The following RFX2 variants were observed in gnomAD, a reference collection of about 807,000 sequenced individuals.
The protein encoded by RFX2 is regulatory factor X2, also known as DNA-binding protein RFX2.
RFX2 carries 20 observed loss-of-function variants against 87.8 expected under a neutral mutation model. That is an observed-to-expected ratio of 0.23 (90% CI 0.16 to 0.33). The LOEUF (loss-of-function observed/expected upper bound fraction) is 0.33. Among genes scored for constraint, RFX2 ranks in the 10% least tolerant of loss-of-function variants. The probability of loss-of-function intolerance (pLI) is 1.00; values close to 1 mark genes in which losing one functional copy is unlikely to be tolerated. For synonymous variants in RFX2, 397 were observed against 431.3 expected, an observed-to-expected ratio of 0.92 and a Z score of 0.98; for missense variants, 767 against 1,012.3, an observed-to-expected ratio of 0.76 and a Z score of 3.29.
intron 1 of RFX2, among the ~76,000 whole-genome samples, chr19:6,088,559 A>C (rs1204625760): frequency 6.6e-6 from 1 of 152,146 alleles, no homozygotes; most frequent in Non-Finnish European, 1.5e-5. Flanking sequence ...GAAGGCAACG[A>C]AATTCATCCT....
rs376079803 is a variant in RFX2, at chr19:6,001,637, C to T, written c.1859+178G>A. 3.3e-5 allele frequency among the ~76,000 whole-genome samples: 5 copies of T among 152,246 alleles called. No individual in the cohort carries two copies. Among genetic ancestry groups the T allele is most frequent in the African/African-American group, 1.2e-4 (5 of 41,562 alleles). On this transcript the variant is annotated intron_variant, in intron 15 of 17. Coordinates refer to ENST00000303657, the MANE Select transcript of RFX2 (RefSeq NM_000635.4). The surrounding 1 kb of genome is among the most constrained non-coding windows in gnomAD (Gnocchi z 5.6). ...GCCTTCTGGGCCTGCCCCTGGGAGC[C>T]GCTGGTCATGAGTGAGGCCCCCAGC...
chr19:6,001,977 C>A lies in RFX2; in HGVS notation c.1697G>T (p.Arg566Leu). The A allele has an allele frequency of 1.2e-6, 2 of 1,611,968 alleles. No individual in the cohort carries two copies. Among genetic ancestry groups the A allele is most frequent in the Non-Finnish European group, 1.7e-6 (2 of 1,179,956 alleles). The change falls in exon 15 of 18, where the codon CGG becomes CTG. Residue 566 changes from arginine (R) to leucine (L), a missense_variant. Around this residue, in one of 2 missense-constraint regions of RFX2, gnomAD observed 621 missense variants for 873.0 expected, o/e 0.71. Coordinates refer to ENST00000303657, the MANE Select transcript of RFX2 (RefSeq NM_000635.4). The surrounding 1 kb of genome is among the most constrained non-coding windows in gnomAD (Gnocchi z 5.6). ...GGTCAGCTTGAAATCCTGCTCCAGCCGCTGCACCACACTCTCCTCGCACTG... is the reference window on the plus strand; with the variant it reads ...GGTCAGCTTGAAATCCTGCTCCAGCAGCTGCACCACACTCTCCTCGCACTG... The part of the protein sequence containing the change: ...VCQCEESVVQ[R>L]LEQDFKLTLQ...
chr19:5,995,594 C>G lies in RFX2; in HGVS notation c.2056+7G>C. 1 of 1,552,030 alleles carries G rather than the reference C, an allele frequency of 6.4e-7. No individual in the cohort carries two copies. Among genetic ancestry groups the G allele is most frequent in the Non-Finnish European group, 8.7e-7 (1 of 1,147,232 alleles). On this transcript the variant is annotated splice_region_variant and intron_variant, in intron 17 of 17. Coordinates refer to ENST00000303657, the MANE Select transcript of RFX2 (RefSeq NM_000635.4). ...GGTCGTGGTGGGAAAGCCGCAGACG[C>G]ACCTACCTTTGTCGAGCAGCGTCAG...
chr19:6,081,434 CA>C (rs1322456862), intron 1 of RFX2, among the ~76,000 whole-genome samples: 1 of 152,204 alleles, frequency 6.6e-6, no homozygotes, highest in East Asian at 1.9e-4. Flanking sequence ...ACACTAAGCC[CA>C]TTGCATGAAG....
chr19:6,034,965 G>A (rs180892877), intron 5 of RFX2, among the ~76,000 whole-genome samples: 3 of 152,286 alleles, frequency 2.0e-5, no homozygotes, highest in African/African-American at 7.2e-5. Flanking sequence ...GCTGTCAAAG[G>A]CAGAATATTT....
intron 1 of RFX2, among the ~76,000 whole-genome samples, chr19:6,072,505 A>G (rs1000797735): frequency 2.0e-5 from 3 of 152,164 alleles, no homozygotes; most frequent in African/African-American, 4.8e-5. Context: ...GAGTTTGAGA[A>G]CAGCCTGGGT....
rs144085025 is a variant in RFX2, at chr19:6,042,115, C to T, written c.189G>A (p.Pro63=). Residue 63 remains proline, a synonymous_variant, in exon 4 of 18, where the codon CCG becomes CCA. Coordinates refer to ENST00000303657, the MANE Select transcript of RFX2 (RefSeq NM_000635.4). ...CCTGGGCAGGATACACGTGCTGCAC[C>T]GGCTGCACCTGAAACATCGGATACG... ...RVQQVPQQVQ[P]VQHVYPAQVQ... 444 of 1,613,582 alleles carry T rather than the reference C, an allele frequency of 2.8e-4. No individual in the cohort carries two copies. The highest frequency in any genetic ancestry group is 3.6e-4 in the Non-Finnish European group (425 of 1,179,860).
intron 1 of RFX2, among the ~76,000 whole-genome samples, chr19:6,062,302 G>T (rs1249763999): frequency 6.6e-6 from 1 of 152,242 alleles, no homozygotes; most frequent in Non-Finnish European, 1.5e-5. Flanking sequence ...TGCGGGCAAA[G>T]CTGGTATACG....
rs1409664339 is a variant in RFX2 at position 6,022,535 on chromosome 19, C to G, written c.597+3628G>C. ...CGGTCGGCTGGTAGCCTGAGGGCAG[C>G]CCGGTGGCCCCCAGGGGCTGAGGCC... On this transcript the variant is annotated intron_variant, in intron 6 of 17. Coordinates refer to ENST00000303657, the MANE Select transcript of RFX2 (RefSeq NM_000635.4). The surrounding 1 kb of genome is among the most constrained non-coding windows in gnomAD (Gnocchi z 6.2). Among the ~76,000 whole-genome samples the G allele has an allele frequency of 6.6e-6, 1 of 152,198 alleles. No individual in the cohort carries two copies. Among genetic ancestry groups the G allele is most frequent in the Non-Finnish European group, 1.5e-5 (1 of 68,026 alleles).
In RFX2 at chr19:6,011,556, C is replaced by T. The variant is rs189627281; in HGVS notation, c.900-1305G>A. 3.7e-4 allele frequency among the ~76,000 whole-genome samples: 56 copies of T among 152,314 alleles called. No homozygotes were observed. Among genetic ancestry groups the T allele is most frequent in the Non-Finnish European group, 5.9e-4 (40 of 68,026 alleles). Reference sequence around the variant, plus strand: ...CAGCCTGTCCCCCTGAAATGTGTGTCGCTGCTCCTAAAATGACACACTGCC... The same window carrying T: ...CAGCCTGTCCCCCTGAAATGTGTGTTGCTGCTCCTAAAATGACACACTGCC... On this transcript the variant is annotated intron_variant, in intron 8 of 17. Coordinates refer to ENST00000303657, the MANE Select transcript of RFX2 (RefSeq NM_000635.4). This position sits in a 1 kb window ranked among gnomAD's most constrained non-coding sequence, Gnocchi z 4.8.
intron 1 of RFX2, among the ~76,000 whole-genome samples, chr19:6,092,529 T>TCGAGTC (rs1344520309): frequency 2.0e-5 from 3 of 152,122 alleles, no homozygotes; most frequent in Non-Finnish European, 4.4e-5. Context: ...GTTGCTAGGC[T>TCGAGTC]CGAGTCCGCG....
Position 5,999,136 on chromosome 19 carries a change from A to C in RFX2, c.1860-1923T>G, listed in dbSNP as rs984425356. Among the ~76,000 whole-genome samples, 15 of 152,140 alleles carry C rather than the reference A, an allele frequency of 9.9e-5. No individual in the cohort carries two copies. The highest frequency in any genetic ancestry group is 3.4e-4 in the African/African-American group (14 of 41,400). On this transcript the variant is annotated intron_variant, in intron 15 of 17. Transcript: ENST00000303657. This position sits in a 1 kb window ranked among gnomAD's most constrained non-coding sequence, Gnocchi z 4.1. ...CCAGGCCTGGTGGTGGGCACCTGTAATCCCAGCTATTCAGGAGGCTGAGGC... is the reference window on the plus strand; with the variant it reads ...CCAGGCCTGGTGGTGGGCACCTGTACTCCCAGCTATTCAGGAGGCTGAGGC...
chr19:6,054,044 T>C (rs1028378857), intron 1 of RFX2, among the ~76,000 whole-genome samples: 3 of 149,206 alleles, frequency 2.0e-5, no homozygotes, highest in Non-Finnish European at 4.5e-5. Flanking sequence ...AAAACCCAAA[T>C]TGCCAATATC....
chr19:6,002,880 A>G lies in RFX2; in HGVS notation c.1501-10T>C, dbSNP rs1178997165. 2 of 1,600,460 alleles carry G rather than the reference A, an allele frequency of 1.2e-6. No homozygotes were observed. Among genetic ancestry groups the G allele is most frequent in the African/African-American group, 1.3e-5 (1 of 74,994 alleles). On this transcript the variant is annotated splice_polypyrimidine_tract_variant and intron_variant, in intron 13 of 17. Coordinates refer to ENST00000303657, the MANE Select transcript of RFX2 (RefSeq NM_000635.4). The surrounding 1 kb of genome is among the most constrained non-coding windows in gnomAD (Gnocchi z 6.7). The stretch of plus-strand genomic sequence containing the variant: ...CACTGACGACGCCCACCTGTAAGCC[A>G]GGGCTCGTGGTGAGCAGGGGTTCGC...
At chr19:6,090,370 C>CAAAA (rs1169384189) in intron 1 of RFX2, among the ~76,000 whole-genome samples, 1 of 56,562 alleles carries the variant, frequency 1.8e-5, no homozygotes, top group African/African-American at 5.0e-5. Context: ...GACTCTGTCT[C>CAAAA]AAAAAAAAAA....
Position 6,002,690 on chromosome 19 carries a change from C to T in RFX2, c.1650+31G>A, listed in dbSNP as rs8103398. On this transcript the variant is annotated intron_variant, in intron 14 of 17. Transcript: ENST00000303657. This position sits in a 1 kb window ranked among gnomAD's most constrained non-coding sequence, Gnocchi z 6.7. ...TGGTTTTGCTGGAGGGCGGGAAGCC[C>T]GGGCCCTGGGGACGGTGTGGAGGAA... is the stretch of plus-strand genomic sequence containing the variant. 2,420 of 1,608,588 alleles carry T rather than the reference C, an allele frequency of 1.5e-3. 45 individuals carry two copies. In the African/African-American group the frequency reaches 0.029, roughly 19 times the overall value.
Position 6,016,374 on chromosome 19 carries a change from A to T in RFX2, c.598-103T>A, listed in dbSNP as rs963630921. On this transcript the variant is annotated intron_variant, in intron 6 of 17. Coordinates refer to ENST00000303657, the MANE Select transcript of RFX2 (RefSeq NM_000635.4). The surrounding 1 kb of genome is among the most constrained non-coding windows in gnomAD (Gnocchi z 5.4). ...ATTACTTGCGTTCCCTGTGTTACCA[A>T]ATGGGATGAGGAAATCCATCTTTTC... 2.8e-6 allele frequency: 2 copies of T among 724,844 alleles called. No individual in the cohort carries two copies. The highest frequency in any genetic ancestry group is 4.3e-6 in the Non-Finnish European group (2 of 465,642). 44.9% of individuals were successfully genotyped at this position (724,844 alleles called of 1,614,324 possible). A position where few individuals can be genotyped will look rare whatever the true frequency, so the allele number is the denominator to read the frequency against.
rs2087086300 is a variant in RFX2 at position 6,040,101 on chromosome 19, C to T, written c.401G>A (p.Gly134Asp). Residue 134 changes from glycine (G) to aspartate (D), a missense_variant, in exon 5 of 18, where the codon GGC becomes GAC. Coordinates refer to ENST00000303657, the MANE Select transcript of RFX2 (RefSeq NM_000635.4). This position sits in a 1 kb window ranked among gnomAD's most constrained non-coding sequence, Gnocchi z 6.1. ...PPAVPSHSMVGITMDVGGSPI... is the reference protein window; with the variant it reads ...PPAVPSHSMVDITMDVGGSPI... ...GCTCCCCCCGACATCCATGGTGATG[C>T]CCACCATGCTGTGGGAGGGGACCGC... The T allele has an allele frequency of 1.9e-6, 3 of 1,611,818 alleles. No individual in the cohort carries two copies. Among genetic ancestry groups the T allele is most frequent in the Non-Finnish European group, 1.7e-6 (2 of 1,179,462 alleles).
intron 1 of RFX2, among the ~76,000 whole-genome samples, chr19:6,082,143 G>A (rs1301499152): frequency 2.0e-5 from 3 of 151,924 alleles, no homozygotes; most frequent in Non-Finnish European, 4.4e-5. Flanking sequence ...TTATCTGGGT[G>A]TGGTGGTGCA....
Sources: gnomAD v4.1 joint callset for allele counts (sites outside exome capture counted in the v4.1 genomes callset) on GRCh38, gnomAD v4.1.1 for gene constraint, gnomAD v4.1.1 regional missense constraint, Gnocchi (gnomAD v3.1) non-coding constraint, MANE v1.5 for transcripts, NCBI Gene and HGNC (gene_info 2026-07-23, HGNC 2026-07-21) for gene names.